Variants in CAST observed in about 807,000 individuals in gnomAD.
CAST encodes calpastatin, also known as MIR583 host.
In CAST, 76 loss-of-function variants were observed where a neutral mutation model predicts 119.6. That is an observed-to-expected ratio of 0.64 (90% CI 0.53 to 0.77). CAST has a LOEUF of 0.77. Ranked by LOEUF, CAST falls within the 30% of genes least tolerant of loss-of-function variation. CAST has a pLI of 0.00. For missense variants in CAST, 953 were observed against 946.5 expected (o/e 1.01, Z -0.09); for synonymous variants, 319 against 331.6 (o/e 0.96, Z 0.41).
intron 1 of CAST, among the ~76,000 whole-genome samples, chr5:96,627,560 T>C (rs553640360): frequency 6.6e-6 from 1 of 152,342 alleles, no homozygotes; most frequent in South Asian, 2.1e-4. Context: ...GGGATCCACC[T>C]TGTGAAAAAT....
chr5:96,762,404 G>T (rs751841157), intron 25 of CAST, 32 bp downstream of exon 25: 1 of 1,474,430 alleles, frequency 6.8e-7, no homozygotes. Flanking sequence ...GGAGATAAAT[G>T]TTTTTGCGCA....
the CAST span, among the ~76,000 whole-genome samples, chr5:96,406,689 T>A: frequency 6.6e-6 from 1 of 152,260 alleles, no homozygotes; most frequent in Non-Finnish European, 1.5e-5. Context: ...CAAGATATTT[T>A]TCCTTTCTGT....
rs75809543 is a variant in CAST at position 96,652,057 on chromosome 5, A to G, written c.61-23482A>G. Reference sequence around the variant, plus strand: ...GCTTCGGTAAACTTCCTAAGCACTTACTGCTAAGGACCACAACTGGGATTC... The same window carrying G: ...GCTTCGGTAAACTTCCTAAGCACTTGCTGCTAAGGACCACAACTGGGATTC... On this transcript the variant is annotated intron_variant, in intron 1 of 11. Coordinates refer to the CAST transcript ENST00000505143. 6.1e-3 allele frequency among the ~76,000 whole-genome samples: 933 copies of G among 152,330 alleles called. 14 individuals carry two copies. Among genetic ancestry groups the G allele is most frequent in the African/African-American group, 0.021 (888 of 41,580 alleles).
intron 1 of CAST, among the ~76,000 whole-genome samples, chr5:96,631,571 T>TCACAGAAAAGTA (rs1747819159): frequency 7.4e-6 from 1 of 134,390 alleles, no homozygotes; most frequent in Non-Finnish European, 1.6e-5. Flanking sequence ...GTGTAAAAGT[T>TCACAGAAAAGTA]TTTCTGTGAA....
At chr5:96,554,287 A>C (rs918140242) in intron 1 of CAST, among the ~76,000 whole-genome samples, 1 of 152,230 alleles carries the variant, frequency 6.6e-6, no homozygotes, top group African/African-American at 2.4e-5. Flanking sequence ...CAAACTTGAC[A>C]CACACAAGCA....
In CAST at chr5:96,560,413, A is replaced by G. The variant is rs1746333104; in HGVS notation, c.60+30533A>G. ...GCAAAAGAAACTACCATCAGAGTGA[A>G]CAGGCAACCTACAAAATGGGAGAAA... On this transcript the variant is annotated intron_variant, in intron 1 of 11. Transcript: ENST00000505143. Among the ~76,000 whole-genome samples, 3 of 151,538 alleles carry G rather than the reference A, an allele frequency of 2.0e-5. No individual in the cohort carries two copies. The South Asian group carries it at 6.2e-4, about 31-fold the overall frequency.
chr5:96,077,236 T>C, the CAST span, among the ~76,000 whole-genome samples: 1 of 152,180 alleles, frequency 6.6e-6, no homozygotes, highest in Non-Finnish European at 1.5e-5. Context: ...GTTGAATTAC[T>C]TTTTCATGAA....
At chr5:96,565,789 T>C (rs1384028489) in intron 1 of CAST, among the ~76,000 whole-genome samples, 1 of 152,172 alleles carries the variant, frequency 6.6e-6, no homozygotes, top group Non-Finnish European at 1.5e-5. Flanking sequence ...CAGAAGGGAA[T>C]ACCTGCTCTC....
the CAST span, among the ~76,000 whole-genome samples, chr5:96,362,766 G>A: frequency 6.6e-6 from 1 of 151,950 alleles, no homozygotes; most frequent in African/African-American, 2.4e-5. Context: ...TGCAAAAATT[G>A]TCTCCCATTC....
the CAST span, chr5:96,079,255 CTT>C: frequency 2.7e-6 from 1 of 377,030 alleles, no homozygotes; most frequent in South Asian, 2.1e-5. Flanking sequence ...TACCCACACT[CTT>C]TGTCCTGAGC....
the CAST span, among the ~76,000 whole-genome samples, chr5:96,060,656 G>A: frequency 6.6e-6 from 1 of 152,160 alleles, no homozygotes; most frequent in South Asian, 2.1e-4. Flanking sequence ...GAAAGGGCAC[G>A]GTAGTCATTC....
chr5:96,589,772 C>T (rs551842633), intron 1 of CAST, among the ~76,000 whole-genome samples: 58 of 152,260 alleles, frequency 3.8e-4, no homozygotes, highest in Non-Finnish European at 3.7e-4. Flanking sequence ...TTCAATCTAG[C>T]ACAAAAGCCT....
At chr5:96,120,906 T>C in the CAST span, among the ~76,000 whole-genome samples, 1 of 151,876 alleles carries the variant, frequency 6.6e-6, no homozygotes, top group Admixed American at 6.6e-5. Context: ...CAGATAGCCA[T>C]TTTGGCTTAC....
At chr5:96,397,992 C>T in the CAST span, among the ~76,000 whole-genome samples, 4 of 152,016 alleles carry the variant, frequency 2.6e-5, no homozygotes, top group South Asian at 2.1e-4. Flanking sequence ...ATTAATTTAA[C>T]AATCTCTTAT....
At chr5:95,974,355 T>TAGTAAAAAGTAAA in the CAST span, among the ~76,000 whole-genome samples, 1 of 152,202 alleles carries the variant, frequency 6.6e-6, no homozygotes, top group Admixed American at 6.5e-5. Context: ...CCTCAGCAAC[T>TAGTAAAAAGTAAA]GAACTTTTTA....
At chr5:96,579,886 A>AT (rs1487662238) in intron 1 of CAST, among the ~76,000 whole-genome samples, 1 of 152,196 alleles carries the variant, frequency 6.6e-6, no homozygotes, top group Non-Finnish European at 1.5e-5. Flanking sequence ...CCTAGTCATC[A>AT]TTGCAGTAAT....
chr5:96,751,520 G>T (rs998042389), intron 20 of CAST, among the ~76,000 whole-genome samples: 4 of 152,138 alleles, frequency 2.6e-5, no homozygotes, highest in African/African-American at 9.7e-5. Context: ...CCTGCTCTCA[G>T]CTGTCTTCAA....
the CAST span, among the ~76,000 whole-genome samples, chr5:96,315,030 C>A: frequency 3.3e-5 from 5 of 152,116 alleles, no homozygotes; most frequent in Non-Finnish European, 7.4e-5. Flanking sequence ...TTTGATTGAT[C>A]TCAGGACTGG....
the CAST span, among the ~76,000 whole-genome samples, chr5:96,310,774 T>C: frequency 6.6e-6 from 1 of 151,734 alleles, no homozygotes; most frequent in African/African-American, 2.4e-5. Context: ...TAATATCTCC[T>C]CTTTCATTTC....
Sources: allele counts gnomAD v4.1 joint callset (sites outside exome capture counted in the v4.1 genomes callset), GRCh38; gene constraint gnomAD v4.1.1; transcripts MANE v1.5; gene names NCBI Gene and HGNC (gene_info 2026-07-23, HGNC 2026-07-21).